The following PTPN12 variants were observed in gnomAD, a reference collection of about 807,000 sequenced individuals.
PTPN12 encodes the protein tyrosine-protein phosphatase non-receptor type 12.
Under a neutral mutation model 97.6 loss-of-function variants are expected in PTPN12, and 29 were observed. That is an observed-to-expected ratio of 0.30 (90% CI 0.22 to 0.41). PTPN12 has a LOEUF of 0.41. Among genes scored for constraint, PTPN12 ranks in the 10% least tolerant of loss-of-function variants. PTPN12 has a pLI of 1.00. For synonymous variants in PTPN12, 327 were observed against 300.4 expected, an observed-to-expected ratio of 1.09 and a Z score of -0.91; for missense variants, 819 against 926.0, an observed-to-expected ratio of 0.88 and a Z score of 1.50.
At chr7:77,538,324 T>G (rs1456792075) in intron 1 of PTPN12, among the ~76,000 whole-genome samples, 8 of 151,836 alleles carry the variant, frequency 5.3e-5, no homozygotes, top group Non-Finnish European at 1.2e-4. Flanking sequence ...CGTGTGACTA[T>G]AGGTTCAGGG....
At chr7:77,605,625 C>T (rs1252967880) in intron 8 of PTPN12, among the ~76,000 whole-genome samples, 1 of 151,706 alleles carries the variant, frequency 6.6e-6, no homozygotes, top group Non-Finnish European at 1.5e-5. Context: ...CGGGGTTTCA[C>T]CACGTTGGCC....
intron 12 of PTPN12, 101 bp from the exon 13 acceptor site, chr7:77,626,604 G>T (rs947271759): frequency 3.8e-6 from 5 of 1,302,552 alleles, no homozygotes; most frequent in Non-Finnish European, 5.2e-6. Context: ...TTCGCAACCA[G>T]ATTGTAATGG....
At chr7:77,597,702 T>A in intron 6 of PTPN12, 140 bp from the exon 7 acceptor site, 13 of 1,152,998 alleles carry the variant, frequency 1.1e-5, no homozygotes, top group Non-Finnish European at 1.5e-5. Flanking sequence ...CTTTTAGAAT[T>A]TTTTTATAAT....
At chr7:77,597,154 T>C (rs1788048138) in intron 6 of PTPN12, among the ~76,000 whole-genome samples, 1 of 152,148 alleles carries the variant, frequency 6.6e-6, no homozygotes, top group African/African-American at 2.4e-5. Flanking sequence ...GACGGAGTCT[T>C]GCTCTGTCGC....
intron 6 of PTPN12, among the ~76,000 whole-genome samples, chr7:77,593,736 A>G (rs1787939425): frequency 6.6e-6 from 1 of 152,216 alleles, no homozygotes; most frequent in Non-Finnish European, 1.5e-5. Context: ...TTCTCCAAAA[A>G]CAGTGTCACA....
chr7:77,537,796 G>T (rs1348104414), intron 1 of PTPN12, 151 bp downstream of exon 1: 1 of 882,262 alleles, frequency 1.1e-6, no homozygotes, highest in Non-Finnish European at 1.6e-6. Flanking sequence ...GGTCTCGGAG[G>T]CCAGCGGGAG....
intron 1 of PTPN12, among the ~76,000 whole-genome samples, chr7:77,541,859 A>G (rs1806987837): frequency 6.6e-6 from 1 of 152,198 alleles, no homozygotes; most frequent in Admixed American, 6.5e-5. Flanking sequence ...TTGCATGTTG[A>G]AAACATGCTA....
At chr7:77,584,833 C>T (rs1308207183) in intron 4 of PTPN12, among the ~76,000 whole-genome samples, 2 of 150,838 alleles carry the variant, frequency 1.3e-5, no homozygotes, top group Non-Finnish European at 2.9e-5. Flanking sequence ...GCTGAGATAG[C>T]GCCACTGCAC....
At chr7:77,554,936 C>T (rs1290954773) in intron 1 of PTPN12, among the ~76,000 whole-genome samples, 1 of 152,180 alleles carries the variant, frequency 6.6e-6, no homozygotes, top group Non-Finnish European at 1.5e-5. Context: ...CATCCACCCA[C>T]CTCAGCCTCC....
intron 7 of PTPN12, among the ~76,000 whole-genome samples, chr7:77,599,980 A>T (rs973428401): frequency 3.3e-5 from 5 of 152,226 alleles, no homozygotes; most frequent in African/African-American, 7.2e-5. Flanking sequence ...AGAAATTTTT[A>T]AAAAACATGA....
intron 11 of PTPN12, among the ~76,000 whole-genome samples, chr7:77,616,941 C>T (rs1788772452): frequency 6.6e-6 from 1 of 152,094 alleles, no homozygotes; most frequent in Non-Finnish European, 1.5e-5. Context: ...CACCACCACG[C>T]CTGGCTAATT....
intron 1 of PTPN12, among the ~76,000 whole-genome samples, chr7:77,568,963 T>C (rs1808365527): frequency 6.6e-6 from 1 of 152,226 alleles, no homozygotes; most frequent in Non-Finnish European, 1.5e-5. Flanking sequence ...GATGCGTATA[T>C]AAGTAACCAT....
intron 2 of PTPN12, among the ~76,000 whole-genome samples, chr7:77,575,663 T>A (rs890054285): frequency 1.3e-5 from 2 of 152,242 alleles, no homozygotes; most frequent in Non-Finnish European, 2.9e-5. Flanking sequence ...ATGATTTTTT[T>A]AAAGTAAATT....
chr7:77,636,849 A>G (rs1789611365), intron 15 of PTPN12, 169 bp from the exon 16 acceptor site: 4 of 520,406 alleles, frequency 7.7e-6, no homozygotes, highest in Admixed American at 7.1e-5. Flanking sequence ...AAATAGCATA[A>G]CATTTTAAAA....
chr7:77,597,766 C>T, intron 6 of PTPN12, 76 bp from the exon 7 acceptor site: 2 of 1,490,776 alleles, frequency 1.3e-6, no homozygotes, highest in Non-Finnish European at 1.8e-6. Flanking sequence ...GACTTTGATA[C>T]AAGTATTTTA....
intron 7 of PTPN12, among the ~76,000 whole-genome samples, chr7:77,599,878 C>G (rs553062389): frequency 1.1e-3 from 162 of 152,248 alleles, no homozygotes; most frequent in Non-Finnish European, 1.9e-3. Context: ...CATCAGTACT[C>G]CTTTACATTC....
chr7:77,565,806 C>T (rs1459033478), intron 1 of PTPN12, among the ~76,000 whole-genome samples: 2 of 152,152 alleles, frequency 1.3e-5, no homozygotes, highest in Non-Finnish European at 2.9e-5. Flanking sequence ...ATCAAAAATT[C>T]TAAGTATTAA....
At chr7:77,581,393 A>T in intron 2 of PTPN12, 34 bp from the exon 3 acceptor site, 1 of 1,414,392 alleles carries the variant, frequency 7.1e-7, no homozygotes, top group Non-Finnish European at 9.9e-7. Context: ...CCTGTGTGTC[A>T]ACCATACATA....
At chr7:77,544,223 C>T (rs1330398513) in intron 1 of PTPN12, among the ~76,000 whole-genome samples, 3 of 152,172 alleles carry the variant, frequency 2.0e-5, no homozygotes, top group Non-Finnish European at 4.4e-5. Flanking sequence ...GAAGTGGTAT[C>T]TTCTTGTGGT....
Sources: gnomAD v4.1 joint callset for allele counts (sites outside exome capture counted in the v4.1 genomes callset) on GRCh38, gnomAD v4.1.1 for gene constraint, MANE v1.5 for transcripts, NCBI Gene and HGNC (gene_info 2026-07-23, HGNC 2026-07-21) for gene names.